AFF3: variants seen among roughly 807,000 people sequenced by gnomAD.
The protein encoded by AFF3 is ALF transcription elongation factor 3, also known as AF4/FMR2 family member 3.
A neutral mutation model predicts 129.7 loss-of-function variants in AFF3; 32 were observed. That is an observed-to-expected ratio of 0.25 (90% CI 0.19 to 0.33). The LOEUF is 0.33. Ranked by LOEUF, AFF3 falls within the 10% of genes least tolerant of loss-of-function variation. The pLI, the probability that AFF3 is intolerant of heterozygous loss-of-function variation, is 1.00. For missense variants in AFF3, 1,373 were observed against 1,592.0 expected (o/e 0.86, Z 2.34); for synonymous variants, 644 against 635.4 (o/e 1.01, Z -0.20).
intron 13 of AFF3, among the ~76,000 whole-genome samples, chr2:99,608,558 A>G (rs1680602486): frequency 6.6e-6 from 1 of 152,202 alleles, no homozygotes; most frequent in Non-Finnish European, 1.5e-5. Context: ...AGTAGCATCC[A>G]TGAGTGAAGT....
At chr2:99,670,535 C>G (rs73964191) in intron 12 of AFF3, among the ~76,000 whole-genome samples, 1 of 150,264 alleles carries the variant, frequency 6.7e-6, no homozygotes, top group Non-Finnish European at 1.5e-5. Context: ...GTGTATGTGT[C>G]TGTGTGTGTG....
chr2:99,574,015 A>C (rs927280898), intron 18 of AFF3, among the ~76,000 whole-genome samples: 2 of 152,164 alleles, frequency 1.3e-5, no homozygotes, highest in African/African-American at 4.8e-5. Context: ...GGAGGCCTTC[A>C]TGACACAGTT....
At chr2:99,850,651 A>T (rs908548143) in intron 7 of AFF3, among the ~76,000 whole-genome samples, 1 of 152,242 alleles carries the variant, frequency 6.6e-6, no homozygotes, top group African/African-American at 2.4e-5. Flanking sequence ...CTAAAATGTA[A>T]GATTCTAACT....
At chr2:99,746,780 G>A (rs1681194198) in intron 9 of AFF3, among the ~76,000 whole-genome samples, 1 of 152,014 alleles carries the variant, frequency 6.6e-6, no homozygotes, top group Admixed American at 6.5e-5. Context: ...GTTTATATCT[G>A]GACATAAGTT....
intron 4 of AFF3, among the ~76,000 whole-genome samples, chr2:100,058,586 C>T (rs967524100): frequency 2.8e-4 from 43 of 151,998 alleles, no homozygotes; most frequent in African/African-American, 9.7e-4. Context: ...TTTTGGATGG[C>T]TAGCCATGTA....
At chr2:100,111,159 C>T (rs1195455011) in intron 2 of AFF3, among the ~76,000 whole-genome samples, 2 of 152,216 alleles carry the variant, frequency 1.3e-5, no homozygotes, top group South Asian at 2.1e-4. Flanking sequence ...CTTTTAGGAA[C>T]AAAATAAGAC....
rs573315404 is a variant in AFF3 at position 100,008,726 on chromosome 2, C to T, written c.174+86G>A. ...GACAGAAGATGCAGTCAAGTTTGGT[C>T]GGCCAATTCTTTTAGTCAAGGCCAC... On this transcript the variant is annotated intron_variant, in intron 5 of 24. Transcript: ENST00000672756. The T allele has an allele frequency of 3.2e-4, 477 of 1,480,074 alleles. 1 individual carries two copies. In the African/African-American group the frequency reaches 5.3e-3, roughly 16 times the overall value. The allele number at this position is 1,480,074 out of a possible 1,614,324, so 91.7% of individuals were successfully genotyped here. A position where few individuals can be genotyped will look rare whatever the true frequency, so the allele number is the denominator to read the frequency against.
chr2:99,930,921 C>G (rs1328250030), intron 7 of AFF3, among the ~76,000 whole-genome samples: 3 of 152,142 alleles, frequency 2.0e-5, no homozygotes, highest in African/African-American at 4.8e-5. Flanking sequence ...CTTACAATGG[C>G]TCTCACAGCA....
chr2:100,016,536 ATGG>A (rs1192551314), intron 4 of AFF3, among the ~76,000 whole-genome samples: 9 of 143,774 alleles, frequency 6.3e-5, no homozygotes, highest in Non-Finnish European at 1.1e-4. Flanking sequence ...AGTGGTGGTG[ATGG>A]TGGTAGCGAT....
chr2:99,613,902 T>C (rs1404529388), intron 13 of AFF3, among the ~76,000 whole-genome samples: 4 of 152,208 alleles, frequency 2.6e-5, no homozygotes, highest in African/African-American at 7.2e-5. Flanking sequence ...AAATAGTCAT[T>C]TAGAAGAATG....
At chr2:99,700,464 C>T (rs530563624) in intron 11 of AFF3, among the ~76,000 whole-genome samples, 5 of 152,292 alleles carry the variant, frequency 3.3e-5, no homozygotes, top group Middle Eastern at 3.4e-3. Flanking sequence ...AAAATTCCCA[C>T]GTTCACATTA....
At chr2:99,570,141 G>C (rs1676344264) in intron 18 of AFF3, among the ~76,000 whole-genome samples, 1 of 152,072 alleles carries the variant, frequency 6.6e-6, no homozygotes, top group South Asian at 2.1e-4. Context: ...TGAGGCCTGA[G>C]GTCTCCTTCC....
At chr2:99,700,398 C>A (rs1173266779) in intron 11 of AFF3, among the ~76,000 whole-genome samples, 1 of 152,208 alleles carries the variant, frequency 6.6e-6, no homozygotes, top group Non-Finnish European at 1.5e-5. Context: ...GGATTACAGG[C>A]GTGAGCCACC....
At chr2:99,702,868 C>T (rs546255749) in intron 11 of AFF3, among the ~76,000 whole-genome samples, 1 of 152,314 alleles carries the variant, frequency 6.6e-6, no homozygotes, top group South Asian at 2.1e-4. Flanking sequence ...TTTCTCTTGA[C>T]ATCCTCTTAG....
rs578093564 is a variant in AFF3, at chr2:100,092,886, C to T, written c.53+11516G>A. Among the ~76,000 whole-genome samples, 33 of 151,130 alleles carry T rather than the reference C, an allele frequency of 2.2e-4. No homozygotes were observed. The South Asian group carries it at 6.8e-3, about 31-fold the overall frequency. ...GGGGCAGGTAAAAAGTCTACTTAGA[C>T]TAATGAAATAATCTGTTCTTATTAC... On this transcript the variant is annotated intron_variant, in intron 4 of 24. Transcript: ENST00000672756.
chr2:99,734,722 A>C (rs907641590), intron 10 of AFF3, among the ~76,000 whole-genome samples: 4 of 152,102 alleles, frequency 2.6e-5, no homozygotes, highest in African/African-American at 9.7e-5. Context: ...CAGTTTCTTA[A>C]TTATGAGTTA....
At chr2:100,054,070 G>A (rs1162879203) in intron 4 of AFF3, among the ~76,000 whole-genome samples, 1 of 152,152 alleles carries the variant, frequency 6.6e-6, no homozygotes, top group Non-Finnish European at 1.5e-5. Context: ...GGGCTGGAGA[G>A]GGCCACAGAG....
At position 99,714,151 on chromosome 2, in the gene AFF3, G is replaced by A. The variant is rs201782462; in HGVS notation, c.1091+12926C>T. On this transcript the variant is annotated intron_variant, in intron 11 of 24. Coordinates refer to ENST00000672756, the MANE Select transcript of AFF3 (RefSeq NM_001386135.1). ...TTCCTGTGTTTTAGTGTTTTATTCTGAGAGCAAAACAAATACAACAGCAAT... is the reference window on the plus strand; with the variant it reads ...TTCCTGTGTTTTAGTGTTTTATTCTAAGAGCAAAACAAATACAACAGCAAT... 5.3e-5 allele frequency among the ~76,000 whole-genome samples: 8 copies of A among 152,080 alleles called. No individual in the cohort carries two copies. In the East Asian group the frequency reaches 1.5e-3, roughly 29 times the overall value.
At chr2:99,814,361 G>A (rs1437729391) in intron 8 of AFF3, among the ~76,000 whole-genome samples, 1 of 152,096 alleles carries the variant, frequency 6.6e-6, no homozygotes, top group Non-Finnish European at 1.5e-5. Context: ...ATATAGCACA[G>A]AAGGGTATAC....
Sources: gnomAD v4.1 joint callset for allele counts (sites outside exome capture counted in the v4.1 genomes callset) on GRCh38, gnomAD v4.1.1 for gene constraint, MANE v1.5 for transcripts, NCBI Gene and HGNC (gene_info 2026-07-23, HGNC 2026-07-21) for gene names.